The following HS6ST3 variants were observed in gnomAD, a reference collection of about 807,000 sequenced individuals.
The protein encoded by HS6ST3 is heparan sulfate 6-O-sulfotransferase 3.
A neutral mutation model predicts 36.7 loss-of-function variants in HS6ST3; 12 were observed. The ratio of observed to expected loss-of-function variants is 0.33; its 90% CI spans 0.21 to 0.53. The LOEUF is 0.53. Among genes scored for constraint, HS6ST3 ranks in the 20% least tolerant of loss-of-function variants. The pLI is 0.95. For missense variants in HS6ST3, 584 were observed against 640.9 expected, an observed-to-expected ratio of 0.91 and a Z score of 0.96; for synonymous variants, 240 against 257.5, an observed-to-expected ratio of 0.93 and a Z score of 0.65.
intron 1 of HS6ST3, among the ~76,000 whole-genome samples, chr13:96,091,986 G>GGAC: frequency 6.6e-6 from 1 of 152,278 alleles, no homozygotes; most frequent in Middle Eastern, 3.4e-3. Context: ...AAAGGAAGGG[G>GGAC]GAGTAGAGAG....
chr13:96,569,260 G>A (rs937386863), intron 1 of HS6ST3, among the ~76,000 whole-genome samples: 3 of 152,154 alleles, frequency 2.0e-5, no homozygotes, highest in African/African-American at 7.2e-5. Context: ...TGAGCTCTTG[G>A]CTGTTAACTT....
intron 1 of HS6ST3, among the ~76,000 whole-genome samples, chr13:96,126,168 T>A (rs1225834289): frequency 6.6e-6 from 1 of 152,168 alleles, no homozygotes; most frequent in Admixed American, 6.5e-5. Context: ...AATCCCTTAG[T>A]CCTCTCCTTT....
chr13:96,400,156 C>CACACAG, intron 1 of HS6ST3, among the ~76,000 whole-genome samples: 1 of 44,556 alleles, frequency 2.2e-5, no homozygotes, highest in South Asian at 6.7e-4. Context: ...GTGCTGAAAT[C>CACACAG]ACACACACAC....
chr13:96,688,310 G>T (rs1048132567), intron 1 of HS6ST3, among the ~76,000 whole-genome samples: 1 of 151,810 alleles, frequency 6.6e-6, no homozygotes, highest in Non-Finnish European at 1.5e-5. Context: ...GTGGTACTAA[G>T]CTAGGCCAAG....
In HS6ST3 at chr13:96,271,085, G is replaced by A. The variant is rs370087684; in HGVS notation, c.707+179516G>A. Among the ~76,000 whole-genome samples, 3 of 151,972 alleles carry A rather than the reference G, an allele frequency of 2.0e-5. 1 individual carries two copies. The highest frequency in any genetic ancestry group is 3.9e-4 in the East Asian group (2 of 5,168). ...ACAGTTTGGTAAATGTTTAACAGCT[G>A]GCTCTATGGGGGGAAGAAAAGTGCC... On this transcript the variant is annotated intron_variant, in intron 1 of 1. Transcript: ENST00000376705.
In HS6ST3 at chr13:96,651,758, T is replaced by G. The variant is rs1181560567; in HGVS notation, c.708-180732T>G. 2.0e-5 allele frequency among the ~76,000 whole-genome samples: 3 copies of G among 152,218 alleles called. No homozygotes were observed. The East Asian group carries it at 5.8e-4, about 29-fold the overall frequency. On this transcript the variant is annotated intron_variant, in intron 1 of 1. Transcript: ENST00000376705. The stretch of plus-strand genomic sequence containing the variant: ...TGCCTCATATTACTTCGTTTATTAT[T>G]TACATGCCTTTTCTCACTGAAACAA...
intron 1 of HS6ST3, among the ~76,000 whole-genome samples, chr13:96,394,650 G>T (rs76143267): frequency 6.6e-6 from 1 of 152,144 alleles, no homozygotes; most frequent in Non-Finnish European, 1.5e-5. Flanking sequence ...TTCAAGAAAG[G>T]CATGAGTATA....
At chr13:96,376,117 C>T (rs1402778912) in intron 1 of HS6ST3, among the ~76,000 whole-genome samples, 4 of 152,010 alleles carry the variant, frequency 2.6e-5, no homozygotes, top group Admixed American at 1.3e-4. Flanking sequence ...TGACTCCAGT[C>T]GTAAGAGCAG....
In HS6ST3 at chr13:96,433,902, T is replaced by G. The variant is rs573635889; in HGVS notation, c.707+342333T>G. Among the ~76,000 whole-genome samples the G allele has an allele frequency of 6.6e-5, 10 of 152,282 alleles. No individual in the cohort carries two copies. In the South Asian group the frequency reaches 1.5e-3, roughly 22 times the overall value. ...GTGAGCCGAGGTCATGCCATTGCACTCCAGCCTGGGTGACAAGAGTGAAAC... is the reference window on the plus strand; with the variant it reads ...GTGAGCCGAGGTCATGCCATTGCACGCCAGCCTGGGTGACAAGAGTGAAAC... On this transcript the variant is annotated intron_variant, in intron 1 of 1. Coordinates refer to ENST00000376705, the MANE Select transcript of HS6ST3 (RefSeq NM_153456.4).
At chr13:96,367,527 C>T (rs756208207) in intron 1 of HS6ST3, among the ~76,000 whole-genome samples, 9 of 152,120 alleles carry the variant, frequency 5.9e-5, no homozygotes, top group Non-Finnish European at 8.8e-5. Flanking sequence ...GCTTTCTTTC[C>T]TGGATTCACA....
chr13:96,396,385 T>A (rs995974728), intron 1 of HS6ST3, among the ~76,000 whole-genome samples: 2 of 152,100 alleles, frequency 1.3e-5, no homozygotes, highest in Admixed American at 1.3e-4. Context: ...TCTAGTATAA[T>A]TAATTCATTT....
At chr13:96,138,185 G>A (rs1032376516) in intron 1 of HS6ST3, among the ~76,000 whole-genome samples, 18 of 152,094 alleles carry the variant, frequency 1.2e-4, no homozygotes, top group African/African-American at 3.9e-4. Flanking sequence ...GAATTGAAAT[G>A]TCACTTCCTC....
At chr13:96,160,707 A>T (rs1409269403) in intron 1 of HS6ST3, among the ~76,000 whole-genome samples, 1 of 152,188 alleles carries the variant, frequency 6.6e-6, no homozygotes, top group Non-Finnish European at 1.5e-5. Flanking sequence ...ATGAGGCAAA[A>T]TGTGGTGTTT....
intron 1 of HS6ST3, among the ~76,000 whole-genome samples, chr13:96,701,322 G>A (rs1333484626): frequency 6.6e-6 from 1 of 152,180 alleles, no homozygotes; most frequent in Non-Finnish European, 1.5e-5. Flanking sequence ...GTCTGATGAT[G>A]TAGAGAATGA....
At chr13:96,584,675 T>C (rs1423741482) in intron 1 of HS6ST3, among the ~76,000 whole-genome samples, 2 of 152,190 alleles carry the variant, frequency 1.3e-5, no homozygotes, top group Non-Finnish European at 2.9e-5. Context: ...CCCTGGTCTT[T>C]TGTCTTTGGT....
chr13:96,390,109 C>A (rs370238525), intron 1 of HS6ST3, among the ~76,000 whole-genome samples: 1 of 151,990 alleles, frequency 6.6e-6, no homozygotes, highest in South Asian at 2.1e-4. Context: ...TAGAAAATAT[C>A]TTTAGTATTG....
chr13:96,316,257 CTGTGTGTGTG>C (rs10534465), intron 1 of HS6ST3, among the ~76,000 whole-genome samples: 30,769 of 147,146 alleles, frequency 0.21, 3,288 homozygotes, highest in Middle Eastern at 0.34. Flanking sequence ...CTACATACAC[CTGTGTGTGTG>C]TGTGTGTGTG....
chr13:96,518,401 T>C (rs1336227100), intron 1 of HS6ST3, among the ~76,000 whole-genome samples: 1 of 152,184 alleles, frequency 6.6e-6, no homozygotes, highest in Non-Finnish European at 1.5e-5. Context: ...AAAAGAAGTA[T>C]GTTTAATCTC....
intron 1 of HS6ST3, among the ~76,000 whole-genome samples, chr13:96,166,518 A>T (rs955954875): frequency 6.6e-6 from 1 of 151,420 alleles, no homozygotes; most frequent in Admixed American, 6.6e-5. Context: ...ATAGTCTTTT[A>T]ATATAGTCTA....
Sources: gnomAD v4.1 joint callset for allele counts (sites outside exome capture counted in the v4.1 genomes callset) on GRCh38, gnomAD v4.1.1 for gene constraint, MANE v1.5 for transcripts, NCBI Gene and HGNC (gene_info 2026-07-23, HGNC 2026-07-21) for gene names.